S100B: variants seen among roughly 807,000 people sequenced by gnomAD.
The protein encoded by S100B is S100 calcium binding protein B, also known as protein S100-B.
A neutral mutation model predicts 7.7 loss-of-function variants in S100B; 6 were observed. That is an observed-to-expected ratio of 0.78 (90% CI 0.43 to 1.54). S100B has a LOEUF of 1.54. Ranked by LOEUF, S100B falls within the 40% of genes most tolerant of loss-of-function variation. The pLI is 0.01. For synonymous variants in S100B, 36 were observed against 40.4 expected, an observed-to-expected ratio of 0.89 and a Z score of 0.41; for missense variants, 99 against 111.8, an observed-to-expected ratio of 0.89 and a Z score of 0.52.
intron 2 of S100B, among the ~76,000 whole-genome samples, chr21:46,601,023 C>G (rs978057202): frequency 3.3e-5 from 5 of 152,142 alleles, no homozygotes; most frequent in African/African-American, 1.2e-4. Context: ...TGTGGGGACA[C>G]CCTCTGCAAA....
intron 1 of S100B, 192 bp from the exon 2 acceptor site, chr21:46,602,608 G>T (rs11911834): frequency 0.03 from 16,200 of 541,620 alleles, 1,110 homozygotes; most frequent in African/African-American, 0.19. Flanking sequence ...TCCTTCCACC[G>T]GCCTCTTAGA....
At chr21:46,599,906 AT>A (rs1420258699) in intron 2 of S100B, among the ~76,000 whole-genome samples, 3 of 152,212 alleles carry the variant, frequency 2.0e-5, no homozygotes, top group South Asian at 2.1e-4. Flanking sequence ...TTCCAGTGGA[AT>A]TTAATGTTTT....
In S100B at chr21:46,599,417, C is replaced by T. The variant is rs2061035462; in HGVS notation, c.225G>A (p.Met75Ile). ...CAGTAGTAACCATGGCAACAAAGGC[C>T]ATGAATTCCTGGAAGTCACATTCGC... is the stretch of plus-strand genomic sequence containing the variant. ...GDGECDFQEF[M>I]AFVAMVTTAC... Residue 75 changes from methionine to isoleucine, a missense_variant, in exon 3 of 3, where the codon ATG becomes ATA. By Grantham distance (10) the Met-to-Ile change is conservative. Transcript: ENST00000291700. 1 of 1,614,000 alleles carries T rather than the reference C, an allele frequency of 6.2e-7. No homozygotes were observed. The highest frequency in any genetic ancestry group is 8.5e-7 in the Non-Finnish European group (1 of 1,179,880).
chr21:46,602,515 G>A (rs2061044363), intron 1 of S100B, 99 bp from the exon 2 acceptor site: 1 of 1,250,814 alleles, frequency 8.0e-7, no homozygotes, highest in Non-Finnish European at 1.1e-6. Context: ...AAGGGGGATG[G>A]AATGGCCTTG....
intron 1 of S100B, among the ~76,000 whole-genome samples, chr21:46,603,474 G>C (rs910454770): frequency 9.8e-5 from 14 of 142,418 alleles, no homozygotes; most frequent in Non-Finnish European, 2.0e-4. Context: ...AGTACCTTAC[G>C]CCACAGCCTA....
chr21:46,602,313 C>A lies in S100B; in HGVS notation c.103G>T (p.Glu35Ter). 1 of 1,613,772 alleles carries A rather than the reference C, an allele frequency of 6.2e-7. No homozygotes were observed. Among genetic ancestry groups the A allele is most frequent in the Non-Finnish European group, 8.5e-7 (1 of 1,179,722 alleles). ...TGGGAAAGCTCATTGTTGATGAGCT[C>A]CTTCAGTTCGGATTTCTTCAGCTTG... ...KHKLKKSELKELINNELSHFL... is the reference protein window; with the variant it reads ...KHKLKKSELK Residue 35 changes from glutamate (E) to a stop codon, truncating the protein, a stop_gained, in exon 2 of 3, where the codon GAG becomes TAG. Transcript: ENST00000291700. LOFTEE classifies it high-confidence loss of function.
At chr21:46,604,030 T>C (rs1041651755) in intron 1 of S100B, among the ~76,000 whole-genome samples, 3 of 152,340 alleles carry the variant, frequency 2.0e-5, no homozygotes, top group African/African-American at 7.2e-5. Context: ...AAGTCCATGA[T>C]GATTTGGGGA....
At position 46,599,479 on chromosome 21, in the gene S100B, C is replaced by T. The variant is rs772740800; in HGVS notation, c.163G>A (p.Asp55Asn). 1.2e-6 allele frequency: 2 copies of T among 1,614,092 alleles called. No homozygotes were observed. Among genetic ancestry groups the T allele is most frequent in the South Asian group, 2.2e-5 (2 of 91,070 alleles). ...LEEIKEQEVV[D>N]KVMETLDNDG... ...TTGTCCAGTGTTTCCATGACTTTGT[C>T]CACAACCTCCTGCTCTTTGATTTCC... Residue 55 changes from aspartate to asparagine, a missense_variant, in exon 3 of 3, where the codon GAC (aspartate) becomes AAC (asparagine). Transcript: ENST00000291700.
At chr21:46,603,721 T>C (rs1050267714) in intron 1 of S100B, among the ~76,000 whole-genome samples, 2 of 75,058 alleles carry the variant, frequency 2.7e-5, no homozygotes, top group African/African-American at 6.9e-5. Context: ...AAAAATAATT[T>C]GGAATTATTT....
intron 1 of S100B, among the ~76,000 whole-genome samples, chr21:46,604,513 G>C (rs561211078): frequency 8.5e-5 from 13 of 152,248 alleles, no homozygotes; most frequent in Non-Finnish European, 1.5e-4. Flanking sequence ...GGCGTCCTGG[G>C]GCTGTGGGGA....
At chr21:46,603,398 T>TGGGGGGGGGGGGGGGGGG in intron 1 of S100B, among the ~76,000 whole-genome samples, 1 of 52,070 alleles carries the variant, frequency 1.9e-5, no homozygotes, top group Non-Finnish European at 3.8e-5. Context: ...CGGGAGGGGG[T>TGGGGGGGGGGGGGGGGGG]GGGGGCAGGA....
At position 46,602,395 on chromosome 21, in the gene S100B, G is replaced by A. The variant is rs760394826; in HGVS notation, c.21C>T (p.Ala7=). 1.4e-5 allele frequency: 22 copies of A among 1,614,076 alleles called. No homozygotes were observed. The highest frequency in any genetic ancestry group is 1.8e-5 in the Non-Finnish European group (21 of 1,179,986). Reference sequence around the variant, plus strand: ...GGAAAACGTCGATGAGGGCCACCATGGCCTTCTCCAGCTCAGACATCCTAG... The same window carrying A: ...GGAAAACGTCGATGAGGGCCACCATAGCCTTCTCCAGCTCAGACATCCTAG... MSELEK[A]MVALIDVFHQ... Residue 7 remains alanine, a synonymous_variant, in exon 2 of 3, where the codon GCC becomes GCT. Coordinates refer to ENST00000291700, the MANE Select transcript of S100B (RefSeq NM_006272.3).
intron 1 of S100B, among the ~76,000 whole-genome samples, chr21:46,604,424 G>C (rs558565715): frequency 6.6e-6 from 1 of 152,266 alleles, no homozygotes; most frequent in East Asian, 1.9e-4. Context: ...GAAACTGTGA[G>C]ACTGAGGAAA....
chr21:46,602,378 T>A lies in S100B; in HGVS notation c.38A>T (p.Asp13Val). The A allele has an allele frequency of 4.3e-6, 7 of 1,614,150 alleles. No individual in the cohort carries two copies. The highest frequency in any genetic ancestry group is 5.9e-6 in the Non-Finnish European group (7 of 1,180,012). Reference protein sequence around the residue: ...ELEKAMVALIDVFHQYSGREG... With the variant: ...ELEKAMVALIVVFHQYSGREG... Reference sequence around the variant, plus strand: ...CCTTCCAGAATATTGGTGGAAAACGTCGATGAGGGCCACCATGGCCTTCTC... The same window carrying A: ...CCTTCCAGAATATTGGTGGAAAACGACGATGAGGGCCACCATGGCCTTCTC... Residue 13 changes from aspartate to valine, a missense_variant, in exon 2 of 3, where the codon GAC (aspartate) becomes GTC (valine). Asp to Val is a radical substitution (Grantham distance 152, BLOSUM62 -3). Coordinates refer to ENST00000291700, the MANE Select transcript of S100B (RefSeq NM_006272.3).
chr21:46,604,144 C>G (rs917693036), intron 1 of S100B, among the ~76,000 whole-genome samples: 2 of 152,174 alleles, frequency 1.3e-5, no homozygotes, highest in East Asian at 3.8e-4. Flanking sequence ...ATAGAAACCA[C>G]TAGAAAATAT....
At chr21:46,604,405 C>T (rs1233629068) in intron 1 of S100B, among the ~76,000 whole-genome samples, 2 of 152,130 alleles carry the variant, frequency 1.3e-5, no homozygotes, top group East Asian at 3.9e-4. Flanking sequence ...AGGGGTTCGA[C>T]CTCCCTGAGA....
Position 46,599,274 on chromosome 21 carries a change from G to T in S100B, c.*89C>A. The T allele has an allele frequency of 8.3e-7, 1 of 1,204,018 alleles. No individual in the cohort carries two copies. Among genetic ancestry groups the T allele is most frequent in the Non-Finnish European group, 1.2e-6 (1 of 838,944 alleles). The allele number at this position is 1,204,018 out of a possible 1,614,324, so 74.6% of individuals were successfully genotyped here. A position where few individuals can be genotyped will look rare whatever the true frequency, so the allele number is the denominator to read the frequency against. ...TAATTAGCTACAACACGGCTGGAAA[G>T]CTCAGCTCCTACTAGGCTGCAAGCC... On this transcript the variant is annotated 3_prime_UTR_variant, in exon 3 of 3. Coordinates refer to ENST00000291700, the MANE Select transcript of S100B (RefSeq NM_006272.3).
rs1351274807 is a variant in S100B, at chr21:46,599,492, C to T, written c.150G>A (p.Glu50=). The T allele has an allele frequency of 1.2e-6, 2 of 1,614,134 alleles. No individual in the cohort carries two copies. Among genetic ancestry groups the T allele is most frequent in the African/African-American group, 1.3e-5 (1 of 75,056 alleles). The change falls in exon 3 of 3, where the codon GAG becomes GAA. Residue 50 remains glutamate (E), a synonymous_variant. Transcript: ENST00000291700. ...ELSHFLEEIK[E]QEVVDKVMET... is the part of the protein sequence containing the mutation. ...CCATGACTTTGTCCACAACCTCCTG[C>T]TCTTTGATTTCCTAAGAGAGATAAA... is the stretch of plus-strand genomic sequence containing the variant.
In S100B at chr21:46,602,317, C is replaced by G. The variant is rs1051169; in HGVS notation, c.99G>C (p.Leu33=). ...AAAGCTCATTGTTGATGAGCTCCTTCAGTTCGGATTTCTTCAGCTTGTGCT... is the reference window on the plus strand; with the variant it reads ...AAAGCTCATTGTTGATGAGCTCCTTGAGTTCGGATTTCTTCAGCTTGTGCT... The part of the protein sequence containing the change: ...GDKHKLKKSE[L]KELINNELSH... The change falls in exon 2 of 3, where the codon CTG becomes CTC. Residue 33 remains leucine (L), a synonymous_variant. Transcript: ENST00000291700. The G allele has an allele frequency of 0.66, 1,067,141 of 1,612,876 alleles. 357,102 individuals are homozygous for G. The highest frequency in any genetic ancestry group is 0.74 in the Admixed American group (44,201 of 59,978).
Sources: gnomAD v4.1 joint callset for allele counts (sites outside exome capture counted in the v4.1 genomes callset) on GRCh38, gnomAD v4.1.1 for gene constraint, MANE v1.5 for transcripts, NCBI Gene and HGNC (gene_info 2026-07-23, HGNC 2026-07-21) for gene names.